The following RBFOX3 variants were observed in gnomAD, a reference collection of about 807,000 sequenced individuals.
RBFOX3 encodes RNA binding protein fox-1 homolog 3.
A neutral mutation model predicts 48.7 loss-of-function variants in RBFOX3; 17 were observed. That is an observed-to-expected ratio of 0.35 (90% CI 0.24 to 0.52). RBFOX3 has a LOEUF of 0.52. RBFOX3 is among the 20% of genes least tolerant of loss of function. The pLI is 0.94. For missense variants in RBFOX3, 382 were observed against 497.5 expected, an observed-to-expected ratio of 0.77 and a Z score of 2.21; for synonymous variants, 212 against 209.5, an observed-to-expected ratio of 1.01 and a Z score of -0.10.
chr17:79,145,742 A>G (rs1029823187), intron 4 of RBFOX3, among the ~76,000 whole-genome samples: 1 of 152,070 alleles, frequency 6.6e-6, no homozygotes, highest in Non-Finnish European at 1.5e-5. Context: ...CCCACTCAGC[A>G]CCTGGACCCA....
At chr17:79,331,974 T>C (rs2080379602) in intron 2 of RBFOX3, among the ~76,000 whole-genome samples, 1 of 152,260 alleles carries the variant, frequency 6.6e-6, no homozygotes, top group Non-Finnish European at 1.5e-5. Context: ...CACTTCCTGC[T>C]GCTCTAGACT....
chr17:79,522,601 C>A (rs1001202310), intron 1 of RBFOX3, among the ~76,000 whole-genome samples: 4 of 152,074 alleles, frequency 2.6e-5, no homozygotes, highest in Non-Finnish European at 5.9e-5. Context: ...TGAGAGGATA[C>A]GAGATTCACC....
chr17:79,622,831 A>G, the RBFOX3 span, among the ~76,000 whole-genome samples: 1 of 152,090 alleles, frequency 6.6e-6, no homozygotes, highest in African/African-American at 2.4e-5. Flanking sequence ...CCCATGATAT[A>G]CCTGTTTCTT....
At chr17:79,256,467 T>C (rs2064868276) in intron 3 of RBFOX3, among the ~76,000 whole-genome samples, 1 of 152,248 alleles carries the variant, frequency 6.6e-6, no homozygotes, top group Non-Finnish European at 1.5e-5. Flanking sequence ...ATTCATTTAC[T>C]TTAATGAGAT....
At chr17:79,389,892 A>G (rs1404526987) in intron 2 of RBFOX3, among the ~76,000 whole-genome samples, 1 of 152,218 alleles carries the variant, frequency 6.6e-6, no homozygotes, top group Admixed American at 6.5e-5. Flanking sequence ...TTCTGTTTCC[A>G]AAGCAGAGAG....
At chr17:79,192,759 G>A (rs557480641) in intron 4 of RBFOX3, among the ~76,000 whole-genome samples, 4 of 152,174 alleles carry the variant, frequency 2.6e-5, no homozygotes, top group Non-Finnish European at 4.4e-5. Flanking sequence ...AAACAAGCAC[G>A]GGTGTCAGTG....
At chr17:79,545,560 G>A (rs781810810) in intron 1 of RBFOX3, among the ~76,000 whole-genome samples, 1 of 152,230 alleles carries the variant, frequency 6.6e-6, no homozygotes. Flanking sequence ...GGTGTCCCAG[G>A]CTTCCCAGGT....
chr17:79,510,250 A>C (rs1255150780), intron 1 of RBFOX3, among the ~76,000 whole-genome samples: 1 of 152,106 alleles, frequency 6.6e-6, no homozygotes, highest in Non-Finnish European at 1.5e-5. Flanking sequence ...CCTCCCGGCC[A>C]GGCCCCGGGA....
At chr17:79,468,440 A>G (rs2076594681) in intron 2 of RBFOX3, among the ~76,000 whole-genome samples, 2 of 152,104 alleles carry the variant, frequency 1.3e-5, no homozygotes, top group South Asian at 2.1e-4. Context: ...TGGATGATTG[A>G]ACAGACAGAC....
intron 2 of RBFOX3, among the ~76,000 whole-genome samples, chr17:79,474,799 C>G (rs1005231106): frequency 1.3e-5 from 2 of 152,168 alleles, no homozygotes; most frequent in South Asian, 4.1e-4. Flanking sequence ...CAGAGCCCCA[C>G]GCATCACTAA....
At chr17:79,177,435 G>A (rs1029259467) in intron 4 of RBFOX3, among the ~76,000 whole-genome samples, 1 of 152,212 alleles carries the variant, frequency 6.6e-6, no homozygotes, top group African/African-American at 2.4e-5. Flanking sequence ...GGCTGGAGAG[G>A]AGAGGCGGGA....
intron 1 of RBFOX3, among the ~76,000 whole-genome samples, chr17:79,589,757 A>T: frequency 6.6e-6 from 1 of 151,930 alleles, no homozygotes; most frequent in South Asian, 2.1e-4. Context: ...CAATACCCCC[A>T]TGTGGGTTTG....
At chr17:79,437,176 G>A (rs138493912) in intron 2 of RBFOX3, among the ~76,000 whole-genome samples, 86 of 152,214 alleles carry the variant, frequency 5.6e-4, no homozygotes, top group African/African-American at 2.0e-3. Flanking sequence ...CAGGCCTGAG[G>A]GTCTCACCCC....
At chr17:79,236,583 T>C (rs552511113) in intron 3 of RBFOX3, among the ~76,000 whole-genome samples, 35 of 152,324 alleles carry the variant, frequency 2.3e-4, no homozygotes, top group African/African-American at 8.4e-4. Context: ...AAAAGTTATT[T>C]AACAAATTCT....
intron 2 of RBFOX3, among the ~76,000 whole-genome samples, chr17:79,415,910 G>C (rs1481809486): frequency 6.6e-6 from 1 of 152,108 alleles, no homozygotes; most frequent in Non-Finnish European, 1.5e-5. Context: ...CACTGGAGCA[G>C]GCCCCTCCCA....
At chr17:79,578,116 T>C (rs1239918350) in intron 1 of RBFOX3, among the ~76,000 whole-genome samples, 1 of 152,112 alleles carries the variant, frequency 6.6e-6, no homozygotes, top group Non-Finnish European at 1.5e-5. Context: ...CCTGGGGTAG[T>C]GGTGGAGGGA....
At chr17:79,400,967 T>C (rs373196345) in intron 2 of RBFOX3, among the ~76,000 whole-genome samples, 98 of 152,308 alleles carry the variant, frequency 6.4e-4, no homozygotes, top group African/African-American at 2.3e-3. Context: ...TGCCAAGAGA[T>C]CCTCCTCCGA....
At chr17:79,183,519 C>T (rs2052667618) in intron 4 of RBFOX3, 1 of 152,042 alleles carries the variant, frequency 6.6e-6, no homozygotes, top group South Asian at 2.1e-4. Flanking sequence ...AAGAGGGAGG[C>T]ATCGAAAGGA....
rs1434928886 is a variant in RBFOX3 at position 79,547,262 on chromosome 17, C to T, written c.-320+63564G>A. On this transcript the variant is annotated intron_variant, in intron 1 of 14. Transcript: ENST00000693108. Reference sequence around the variant, plus strand: ...AAGAGTTTGAGACCAGCCTGACCAACACGGTGAAACTCCGTCTCTACTAAA... The same window carrying T: ...AAGAGTTTGAGACCAGCCTGACCAATACGGTGAAACTCCGTCTCTACTAAA... 3.9e-5 allele frequency among the ~76,000 whole-genome samples: 6 copies of T among 152,286 alleles called. No homozygotes were observed. In the East Asian group the frequency reaches 9.7e-4, roughly 25 times the overall value.
Sources: gnomAD v4.1 joint callset for allele counts (sites outside exome capture counted in the v4.1 genomes callset) on GRCh38, gnomAD v4.1.1 for gene constraint, MANE v1.5 for transcripts, NCBI Gene and HGNC (gene_info 2026-07-23, HGNC 2026-07-21) for gene names.